ATRX: variants seen among roughly 807,000 people sequenced by gnomAD.
ATRX encodes the protein chromatin remodeler ATRX.
ATRX carries 12 observed loss-of-function variants against 172.6 expected under a neutral mutation model. The ratio of observed to expected loss-of-function variants is 0.07; its 90% CI spans 0.04 to 0.11. The LOEUF is 0.11. Ranked by LOEUF, ATRX falls within the 10% of genes least tolerant of loss-of-function variation. The pLI is 1.00. For missense variants in ATRX, 1,368 were observed against 1,767.4 expected (o/e 0.77, Z 4.05); for synonymous variants, 674 against 594.7 (o/e 1.13, Z -1.94).
intron 30 of ATRX, among the ~76,000 whole-genome samples, chrX:77,524,521 C>T (rs1296078176): frequency 9.0e-6 from 1 of 111,279 alleles, no homozygotes; most frequent in African/African-American, 3.3e-5. Flanking sequence ...GGTAAGAACT[C>T]AAATGTGCAT....
intron 1 of ATRX, among the ~76,000 whole-genome samples, chrX:77,783,177 G>A (rs1258944901): frequency 8.9e-6 from 1 of 111,797 alleles, no homozygotes; most frequent in African/African-American, 3.3e-5. Flanking sequence ...GGAGGCGGCA[G>A]TAAGCCAAGA....
intron 30 of ATRX, among the ~76,000 whole-genome samples, chrX:77,531,582 C>T (rs1261634565): frequency 4.5e-5 from 5 of 112,056 alleles, no homozygotes; most frequent in Non-Finnish European, 9.4e-5. Context: ...ATTGAGCATG[C>T]CTTCATTGTT....
At chrX:77,784,189 T>G (rs2076659530) in intron 1 of ATRX, among the ~76,000 whole-genome samples, 1 of 112,158 alleles carries the variant, frequency 8.9e-6, no homozygotes, top group Admixed American at 9.5e-5. Flanking sequence ...TTCGGTCAAG[T>G]TCTTGATCTA....
At chrX:77,578,056 T>C (rs782706421) in intron 27 of ATRX, among the ~76,000 whole-genome samples, 2 of 111,327 alleles carry the variant, frequency 1.8e-5, no homozygotes, top group Non-Finnish European at 3.8e-5. Flanking sequence ...AGTGCAGTGA[T>C]CATAGGACTT....
Position 77,786,102 on chromosome X carries a change from C to A in ATRX, c.-101G>T. ...AGAAATGCACTGGAGTCTTAGTCGT[C>A]ACTGTAGCTGCTGCTGGAACCTCCC... On this transcript the variant is annotated 5_prime_UTR_variant, in exon 1 of 35. Coordinates refer to ENST00000373344, the MANE Select transcript of ATRX (RefSeq NM_000489.6). 1 of 993,597 alleles carries A rather than the reference C, an allele frequency of 1.0e-6. No individual in the cohort carries two copies. Among genetic ancestry groups the A allele is most frequent in the South Asian group, 2.1e-5 (1 of 47,280 alleles). The allele number at this position is 993,597 out of a possible 1,213,427, so 81.9% of individuals were successfully genotyped here.
At chrX:77,646,203 T>A (rs1377699742) in intron 15 of ATRX, among the ~76,000 whole-genome samples, 1 of 111,838 alleles carries the variant, frequency 8.9e-6, no homozygotes, top group Non-Finnish European at 1.9e-5. Context: ...ATCCAAATAC[T>A]GGTTATCTAA....
chrX:77,644,052 G>A (rs1313892530), intron 15 of ATRX, among the ~76,000 whole-genome samples: 2 of 111,858 alleles, frequency 1.8e-5, no homozygotes, highest in Non-Finnish European at 3.8e-5. Context: ...CAATTCTTGT[G>A]CCTCAGCCTC....
At chrX:77,643,262 AACACACAC>A (rs370939089) in intron 15 of ATRX, among the ~76,000 whole-genome samples, 1 of 108,109 alleles carries the variant, frequency 9.2e-6, no homozygotes, top group Non-Finnish European at 1.9e-5. Flanking sequence ...ACAGCTTTAA[AACACACAC>A]ACACACACAC....
At chrX:77,716,956 A>G (rs1388919825) in intron 2 of ATRX, among the ~76,000 whole-genome samples, 175 bp downstream of exon 2, 2 of 111,727 alleles carry the variant, frequency 1.8e-5, no homozygotes, top group African/African-American at 6.5e-5. Flanking sequence ...CCTGTATCAG[A>G]TATAGCTAAG....
At chrX:77,561,368 TA>T (rs1453220345) in intron 28 of ATRX, among the ~76,000 whole-genome samples, 3 of 110,941 alleles carry the variant, frequency 2.7e-5, no homozygotes, top group Non-Finnish European at 5.7e-5. Context: ...AGAACTTCAA[TA>T]CGCAAGTCCA....
At chrX:77,616,360 A>C in intron 22 of ATRX, 1 of 977,728 alleles carries the variant, frequency 1.0e-6, no homozygotes. Flanking sequence ...ATTTTTCTGA[A>C]ATAAAAGCTC....
At chrX:77,714,650 A>G (rs956776152) in intron 2 of ATRX, among the ~76,000 whole-genome samples, 15 of 111,775 alleles carry the variant, frequency 1.3e-4, no homozygotes, top group African/African-American at 4.9e-4. Context: ...TTTATGTAGT[A>G]TTCCTGCCAA....
At chrX:77,561,671 G>A (rs2065024415) in intron 28 of ATRX, 1 of 111,014 alleles carries the variant, frequency 9.0e-6, no homozygotes, top group African/African-American at 3.3e-5. Flanking sequence ...GCTTCCAGTT[G>A]TTCAGGTCCT....
In ATRX at chrX:77,735,860, C is replaced by T. The variant is rs192640733; in HGVS notation, c.21-18617G>A. 6.9e-3 allele frequency among the ~76,000 whole-genome samples: 741 copies of T among 106,909 alleles called. 7 individuals carry two copies. The highest frequency in any genetic ancestry group is 0.024 in the African/African-American group (714 of 29,615). The allele number at this position is 106,909 out of a possible 115,157, so 92.8% of individuals were successfully genotyped here. ...AAAATAAATAAATACAAAAATCAGACGGGCATGGTGGTGGGCTCTTGTAAT... is the reference window on the plus strand; with the variant it reads ...AAAATAAATAAATACAAAAATCAGATGGGCATGGTGGTGGGCTCTTGTAAT... On this transcript the variant is annotated intron_variant, in intron 1 of 34. Coordinates refer to ENST00000373344, the MANE Select transcript of ATRX (RefSeq NM_000489.6).
At chrX:77,608,537 G>A (rs903011432) in intron 22 of ATRX, among the ~76,000 whole-genome samples, 2 of 110,981 alleles carry the variant, frequency 1.8e-5, no homozygotes, top group East Asian at 2.8e-4. Context: ...ATATCCATAC[G>A]CAGAAGAATG....
At chrX:77,597,790 A>C (rs2066520404) in intron 25 of ATRX, among the ~76,000 whole-genome samples, 1 of 112,060 alleles carries the variant, frequency 8.9e-6, no homozygotes, top group Admixed American at 9.5e-5. Context: ...AAGTCAAAAA[A>C]CAGCAGATGC....
intron 28 of ATRX, 56 bp downstream of exon 28, chrX:77,574,194 T>TA: frequency 2.4e-6 from 2 of 827,520 alleles, no homozygotes; most frequent in Non-Finnish European, 3.6e-6. Context: ...GAACTTTATG[T>TA]AAATTTTAAA....
intron 7 of ATRX, among the ~76,000 whole-genome samples, chrX:77,688,106 T>A (rs1190106279): frequency 6.4e-5 from 7 of 110,005 alleles, no homozygotes; most frequent in Non-Finnish European, 9.5e-5. Context: ...CCCGGCTAAT[T>A]TTTTGTATTT....
intron 1 of ATRX, among the ~76,000 whole-genome samples, chrX:77,779,791 C>T (rs782765600): frequency 8.9e-6 from 1 of 112,180 alleles, no homozygotes; most frequent in Non-Finnish European, 1.9e-5. Context: ...CATGTGAATA[C>T]TACTGCCAGA....
Sources: allele counts gnomAD v4.1 joint callset (sites outside exome capture counted in the v4.1 genomes callset), GRCh38; gene constraint gnomAD v4.1.1; transcripts MANE v1.5; gene names NCBI Gene and HGNC (gene_info 2026-07-23, HGNC 2026-07-21).